The following MTHFD1L variants were observed in gnomAD, a reference collection of about 807,000 sequenced individuals.
MTHFD1L encodes the protein monofunctional C1-tetrahydrofolate synthase, mitochondrial.
A neutral mutation model predicts 119.5 loss-of-function variants in MTHFD1L; 81 were observed. The observed-to-expected ratio is 0.68, with a 90% CI of 0.57 to 0.82. The LOEUF (loss-of-function observed/expected upper bound fraction) is 0.82. MTHFD1L is among the 40% of genes least tolerant of loss of function. The pLI is 0.00. For synonymous variants in MTHFD1L, 430 were observed against 475.2 expected, an observed-to-expected ratio of 0.90 and a Z score of 1.24; for missense variants, 1,125 against 1,253.4, an observed-to-expected ratio of 0.90 and a Z score of 1.55.
intron 2 of MTHFD1L, 25 bp from the exon 3 acceptor site, chr6:150,877,601 TTTATGTTG>T: frequency 6.2e-7 from 1 of 1,611,982 alleles, no homozygotes. Context: ...TCAAGCTATT[TTTATGTTG>T]TTATGTTGTT....
chr6:150,982,486 A>C (rs1312665535), intron 20 of MTHFD1L, among the ~76,000 whole-genome samples: 1 of 152,190 alleles, frequency 6.6e-6, no homozygotes, highest in African/African-American at 2.4e-5. Context: ...TGTTACAAAT[A>C]ATGCTACGGG....
chr6:151,028,958 C>T (rs1784955070), intron 24 of MTHFD1L, among the ~76,000 whole-genome samples: 1 of 151,854 alleles, frequency 6.6e-6, no homozygotes, highest in Admixed American at 6.6e-5. Context: ...GTAGTCATAG[C>T]TACACAGTAT....
At chr6:151,019,029 C>T (rs540156689) in intron 24 of MTHFD1L, among the ~76,000 whole-genome samples, 73 of 152,254 alleles carry the variant, frequency 4.8e-4, no homozygotes, top group Middle Eastern at 3.4e-3. Context: ...TAGATGTAGC[C>T]CTGCTGTGGG....
At chr6:151,041,651 A>G (rs899077453) in intron 26 of MTHFD1L, 3 of 378,362 alleles carry the variant, frequency 7.9e-6, no homozygotes, top group Admixed American at 3.8e-5. Flanking sequence ...CCCCACAGCT[A>G]TGAGAAAGAT....
At chr6:150,895,613 GTTTT>G (rs10630027) in intron 7 of MTHFD1L, among the ~76,000 whole-genome samples, 1 of 134,454 alleles carries the variant, frequency 7.4e-6, no homozygotes, top group Non-Finnish European at 1.6e-5. Context: ...GTTTTTTGTG[GTTTT>G]TTTTTTTTTT....
chr6:151,013,648 A>G, intron 21 of MTHFD1L, 131 bp from the exon 22 acceptor site: 2 of 829,338 alleles, frequency 2.4e-6, no homozygotes, highest in Non-Finnish European at 3.9e-6. Context: ...GCTGCCAGCT[A>G]CTGTTTTAAA....
chr6:150,885,760 CT>C, intron 6 of MTHFD1L, 26 bp downstream of exon 6: 3 of 1,519,980 alleles, frequency 2.0e-6, no homozygotes, highest in Non-Finnish European at 2.7e-6. Flanking sequence ...AGAAATGCCG[CT>C]GATTTCTATT....
chr6:150,961,521 C>G (rs1796458837), intron 18 of MTHFD1L, among the ~76,000 whole-genome samples: 1 of 152,134 alleles, frequency 6.6e-6, no homozygotes, highest in African/African-American at 2.4e-5. Context: ...GTTTACTTTC[C>G]CATATACTGA....
intron 27 of MTHFD1L, among the ~76,000 whole-genome samples, chr6:151,093,368 T>C (rs973700470): frequency 2.6e-5 from 3 of 117,344 alleles, no homozygotes; most frequent in Non-Finnish European, 5.4e-5. Context: ...ACTTGATTAC[T>C]CTGCAAAGAC....
At chr6:150,968,119 G>A (rs1229602556) in intron 19 of MTHFD1L, among the ~76,000 whole-genome samples, 3 of 151,992 alleles carry the variant, frequency 2.0e-5, no homozygotes, top group Non-Finnish European at 4.4e-5. Flanking sequence ...GCTCAGAGAA[G>A]CCACAGGAAT....
intron 24 of MTHFD1L, chr6:151,021,934 C>T (rs554903314): frequency 3.5e-5 from 16 of 456,384 alleles, no homozygotes; most frequent in African/African-American, 2.6e-4. Context: ...TGTATCCTTC[C>T]TCTAGCCTTG....
intron 24 of MTHFD1L, among the ~76,000 whole-genome samples, chr6:151,019,812 T>C (rs1005650396): frequency 6.6e-5 from 10 of 152,220 alleles, no homozygotes; most frequent in Non-Finnish European, 1.3e-4. Flanking sequence ...CTTGTCACCA[T>C]GTAAAAATCT....
At chr6:151,005,494 A>G (rs1781257662) in intron 20 of MTHFD1L, among the ~76,000 whole-genome samples, 1 of 152,170 alleles carries the variant, frequency 6.6e-6, no homozygotes, top group African/African-American at 2.4e-5. Flanking sequence ...TTTGGAAGCC[A>G]AACTCCTCGA....
chr6:151,069,524 A>C (rs906032820), intron 26 of MTHFD1L, among the ~76,000 whole-genome samples: 13 of 152,142 alleles, frequency 8.5e-5, no homozygotes, highest in Non-Finnish European at 1.6e-4. Flanking sequence ...TTCTTATTGC[A>C]GTCCTCCCTG....
intron 7 of MTHFD1L, among the ~76,000 whole-genome samples, chr6:150,895,808 T>G (rs1431443880): frequency 6.6e-6 from 1 of 152,212 alleles, no homozygotes; most frequent in Non-Finnish European, 1.5e-5. Flanking sequence ...AGGAAGGAAC[T>G]CTAGCTTTTA....
intron 10 of MTHFD1L, among the ~76,000 whole-genome samples, chr6:150,925,724 G>A (rs558653125): frequency 3.3e-5 from 5 of 152,104 alleles, no homozygotes; most frequent in East Asian, 1.9e-4. Context: ...TGGCCAGCCC[G>A]ATCGGAGATT....
At chr6:151,003,396 G>A (rs570021080) in intron 20 of MTHFD1L, among the ~76,000 whole-genome samples, 1 of 152,268 alleles carries the variant, frequency 6.6e-6, no homozygotes, top group South Asian at 2.1e-4. Flanking sequence ...GCCGAGCGTG[G>A]TGGTGGGTGC....
At chr6:151,054,834 G>A (rs1789632629) in intron 26 of MTHFD1L, 1 of 152,188 alleles carries the variant, frequency 6.6e-6, no homozygotes, top group African/African-American at 2.4e-5. Flanking sequence ...TGTTTAAAAT[G>A]TTTAATGACT....
intron 26 of MTHFD1L, among the ~76,000 whole-genome samples, chr6:151,047,922 A>G (rs2128567467): frequency 6.6e-6 from 1 of 152,306 alleles, no homozygotes; most frequent in South Asian, 2.1e-4. Context: ...GGCCTCAGGA[A>G]ACTTACAATC....
Sources: gnomAD v4.1 joint callset for allele counts (sites outside exome capture counted in the v4.1 genomes callset) on GRCh38, gnomAD v4.1.1 for gene constraint, MANE v1.5 for transcripts, NCBI Gene and HGNC (gene_info 2026-07-23, HGNC 2026-07-21) for gene names.